PBX3: variants seen among roughly 807,000 people sequenced by gnomAD.
PBX3 encodes the protein PBX homeobox 3, also known as pre-B-cell leukemia transcription factor 3.
A neutral mutation model predicts 48.5 loss-of-function variants in PBX3; 14 were observed. The ratio of observed to expected loss-of-function variants is 0.29; its 90% CI spans 0.19 to 0.45. The LOEUF is 0.45. PBX3 is among the 20% of genes least tolerant of loss of function. PBX3 has a pLI of 1.00. For missense variants in PBX3, 386 were observed against 546.7 expected (o/e 0.71, Z 2.93); for synonymous variants, 210 against 200.3 (o/e 1.05, Z -0.41).
chr9:125,952,500 C>T (rs1842215595), intron 5 of PBX3, among the ~76,000 whole-genome samples: 1 of 152,206 alleles, frequency 6.6e-6, no homozygotes, highest in Admixed American at 6.5e-5. Context: ...CTTTCAGTGA[C>T]TGTAGAGACA....
chr9:125,875,044 C>G (rs1274043100), intron 2 of PBX3, among the ~76,000 whole-genome samples: 1 of 152,158 alleles, frequency 6.6e-6, no homozygotes, highest in Non-Finnish European at 1.5e-5. Flanking sequence ...TTTCAAAAAG[C>G]AAACACCAGG....
chr9:125,763,581 C>T (rs958428806), intron 2 of PBX3, among the ~76,000 whole-genome samples: 1 of 152,228 alleles, frequency 6.6e-6, no homozygotes, highest in Non-Finnish European at 1.5e-5. Flanking sequence ...CTGAAATCCA[C>T]ACGATTCACC....
At chr9:125,949,540 A>G (rs1457375838) in intron 5 of PBX3, 10 of 1,397,980 alleles carry the variant, frequency 7.2e-6, no homozygotes, top group East Asian at 5.3e-5. Context: ...ATATATATAT[A>G]TAGTATTCTT....
At chr9:125,842,127 T>A (rs773807945) in intron 2 of PBX3, among the ~76,000 whole-genome samples, 3 of 152,202 alleles carry the variant, frequency 2.0e-5, no homozygotes, top group Non-Finnish European at 4.4e-5. Context: ...GATGATGAAG[T>A]AACTGACCTC....
intron 2 of PBX3, among the ~76,000 whole-genome samples, chr9:125,825,072 T>C (rs1368364187): frequency 2.0e-5 from 3 of 152,146 alleles, no homozygotes; most frequent in African/African-American, 4.8e-5. Flanking sequence ...TCACTTGAGC[T>C]CAGGAGTTCG....
chr9:125,919,716 C>T (rs1377684498), intron 3 of PBX3, among the ~76,000 whole-genome samples: 1 of 152,104 alleles, frequency 6.6e-6, no homozygotes, highest in Non-Finnish European at 1.5e-5. Flanking sequence ...CACAATGAAG[C>T]TGTAATGAAA....
chr9:125,888,280 T>C (rs1319170313), intron 2 of PBX3, among the ~76,000 whole-genome samples: 3 of 152,224 alleles, frequency 2.0e-5, no homozygotes, highest in African/African-American at 4.8e-5. Flanking sequence ...TGATCTCTTC[T>C]GTCGTGTAGT....
At chr9:125,931,362 A>T (rs747868315) in intron 4 of PBX3, among the ~76,000 whole-genome samples, 6 of 152,114 alleles carry the variant, frequency 3.9e-5, no homozygotes, top group Non-Finnish European at 8.8e-5. Flanking sequence ...GCAGTAAATG[A>T]TGCTATCATG....
intron 2 of PBX3, among the ~76,000 whole-genome samples, chr9:125,790,639 G>A (rs1837574995): frequency 6.6e-6 from 1 of 152,072 alleles, no homozygotes; most frequent in South Asian, 2.1e-4. Flanking sequence ...CACAATAATA[G>A]GTTATTGCAG....
At chr9:125,865,445 G>A (rs1314133451) in intron 2 of PBX3, 3 of 160,064 alleles carry the variant, frequency 1.9e-5, no homozygotes, top group Non-Finnish European at 4.4e-5. Flanking sequence ...ATAGATTGTG[G>A]CCTTATCTGC....
intron 2 of PBX3, among the ~76,000 whole-genome samples, chr9:125,870,161 T>C (rs940781494): frequency 6.6e-6 from 1 of 151,736 alleles, no homozygotes; most frequent in South Asian, 2.1e-4. Flanking sequence ...CTCTGTCTCA[T>C]GGGTTCAAGG....
At chr9:125,867,701 C>T (rs949910388) in intron 2 of PBX3, among the ~76,000 whole-genome samples, 11 of 150,062 alleles carry the variant, frequency 7.3e-5, no homozygotes, top group African/African-American at 2.5e-5. Flanking sequence ...TATAATATTG[C>T]ACCCAAATCA....
At chr9:125,899,311 GTATATATTTT>G (rs1840866505) in intron 2 of PBX3, among the ~76,000 whole-genome samples, 2 of 99,294 alleles carry the variant, frequency 2.0e-5, no homozygotes, top group South Asian at 5.6e-4. Flanking sequence ...ATACATATAT[GTATATATTTT>G]TATATAAATA....
chr9:125,916,331 T>A (rs1440365066), intron 3 of PBX3, among the ~76,000 whole-genome samples: 6 of 152,178 alleles, frequency 3.9e-5, no homozygotes, highest in African/African-American at 1.2e-4. Context: ...TTCCCTCCTA[T>A]GCTGTGAGCT....
intron 2 of PBX3, among the ~76,000 whole-genome samples, chr9:125,769,772 C>T (rs1265100160): frequency 6.6e-6 from 1 of 152,120 alleles, no homozygotes; most frequent in Non-Finnish European, 1.5e-5. Context: ...GTGTAAGCTT[C>T]CTGGGGTTCC....
At chr9:125,878,465 C>A (rs2132342636) in intron 2 of PBX3, among the ~76,000 whole-genome samples, 1 of 152,308 alleles carries the variant, frequency 6.6e-6, no homozygotes, top group South Asian at 2.1e-4. Context: ...TGGGTGTATA[C>A]CCTTCAGACT....
chr9:125,826,479 T>C (rs1463476272), intron 2 of PBX3, among the ~76,000 whole-genome samples: 1 of 152,184 alleles, frequency 6.6e-6, no homozygotes, highest in Admixed American at 6.5e-5. Flanking sequence ...ATTTTTTCCT[T>C]TGAAAATATA....
At chr9:125,943,121 C>T (rs915221702) in intron 5 of PBX3, among the ~76,000 whole-genome samples, 6 of 152,076 alleles carry the variant, frequency 3.9e-5, no homozygotes, top group African/African-American at 1.4e-4. Context: ...AATCCCAGTG[C>T]TTTGGGAGGC....
At chr9:125,787,869 A>G (rs1409621414) in intron 2 of PBX3, among the ~76,000 whole-genome samples, 3 of 152,200 alleles carry the variant, frequency 2.0e-5, no homozygotes, top group Non-Finnish European at 4.4e-5. Context: ...GATGGATGAT[A>G]AAGTTCAGGA....
Sources: allele counts gnomAD v4.1 joint callset (sites outside exome capture counted in the v4.1 genomes callset), GRCh38; gene constraint gnomAD v4.1.1; transcripts MANE v1.5; gene names NCBI Gene and HGNC (gene_info 2026-07-23, HGNC 2026-07-21).